Variants in KCNK10 observed in about 807,000 individuals in gnomAD.
The protein encoded by KCNK10 is potassium channel subfamily K member 10.
KCNK10 carries 25 observed loss-of-function variants against 47.7 expected under a neutral mutation model. The ratio of observed to expected loss-of-function variants is 0.52; its 90% CI spans 0.38 to 0.73. The LOEUF (loss-of-function observed/expected upper bound fraction) is 0.73, where lower values mean the gene tolerates loss of function less well. KCNK10 is among the 30% of genes least tolerant of loss of function. The probability of loss-of-function intolerance (pLI) is 0.00; values close to 1 mark genes in which losing one functional copy is unlikely to be tolerated. For missense variants in KCNK10, 563 were observed against 714.5 expected, an observed-to-expected ratio of 0.79 and a Z score of 2.42; for synonymous variants, 303 against 285.6, an observed-to-expected ratio of 1.06 and a Z score of -0.61.
chr14:88,276,363 C>T (rs1338540605), intron 1 of KCNK10, among the ~76,000 whole-genome samples: 1 of 151,876 alleles, frequency 6.6e-6, no homozygotes, highest in African/African-American at 2.4e-5. Flanking sequence ...ACTGAATCTG[C>T]CTTGATATCT....
intron 3 of KCNK10, among the ~76,000 whole-genome samples, chr14:88,239,574 CT>C (rs1886393725): frequency 6.6e-6 from 1 of 152,124 alleles, no homozygotes; most frequent in Non-Finnish European, 1.5e-5. Context: ...AAGTTAACCC[CT>C]AGGCCAGGTG....
intron 1 of KCNK10, among the ~76,000 whole-genome samples, chr14:88,284,783 C>T (rs1362923963): frequency 6.6e-6 from 1 of 152,178 alleles, no homozygotes; most frequent in Non-Finnish European, 1.5e-5. Flanking sequence ...CTACAACACC[C>T]TCACAGACAC....
chr14:88,198,613 C>T (rs1475758473), intron 4 of KCNK10, among the ~76,000 whole-genome samples: 1 of 152,142 alleles, frequency 6.6e-6, no homozygotes, highest in Non-Finnish European at 1.5e-5. Context: ...AGGCACAAGA[C>T]CATTCTAATA....
chr14:88,221,246 G>A (rs536325072), intron 4 of KCNK10, among the ~76,000 whole-genome samples: 76 of 151,498 alleles, frequency 5.0e-4, no homozygotes, highest in Non-Finnish European at 8.0e-4. Context: ...AGGTTGCAGT[G>A]AGCCAAGATC....
intron 4 of KCNK10, among the ~76,000 whole-genome samples, chr14:88,227,006 T>C (rs1010036421): frequency 5.3e-5 from 8 of 152,132 alleles, no homozygotes; most frequent in Non-Finnish European, 8.8e-5. Context: ...GTAAGGGAGT[T>C]CCAACAACAA....
rs116542896 is a variant in KCNK10 at position 88,196,342 on chromosome 14, T to A, written c.682-3932A>T. ...AGAGCTCTCTTTTGAGAGAGGGATGTATGGACTGACAATTCGGGAAGTGTT... is the reference window on the plus strand; with the variant it reads ...AGAGCTCTCTTTTGAGAGAGGGATGAATGGACTGACAATTCGGGAAGTGTT... On this transcript the variant is annotated intron_variant, in intron 4 of 6. Coordinates refer to ENST00000319231, the MANE Select transcript of KCNK10 (RefSeq NM_138317.3). Among the ~76,000 whole-genome samples the A allele has an allele frequency of 6.3e-3, 957 of 152,322 alleles. 8 individuals carry two copies. Among genetic ancestry groups the A allele is most frequent in the African/African-American group, 0.022 (918 of 41,570 alleles).
At chr14:88,324,326 G>T (rs1485558732), upstream of KCNK10, among the ~76,000 whole-genome samples, 1 of 152,186 alleles carries the variant, frequency 6.6e-6, no homozygotes, top group Non-Finnish European at 1.5e-5. Context: ...CTCTTGAACG[G>T]GTCACTCCGA....
In KCNK10 at chr14:88,185,724, G is replaced by A; in HGVS notation, c.1443C>T (p.Phe481=). ...PEDVQKIYKT[F]RNYSLDEEKK... ...TCTCCTCGTCCAGGGAGTAATTCCG[G>A]AAGGTCTTGTAGATTTTCTGAACGT... Residue 481 remains phenylalanine, a synonymous_variant, in exon 7 of 7, where the codon TTC becomes TTT. Coordinates refer to ENST00000319231, the MANE Select transcript of KCNK10 (RefSeq NM_138317.3). The surrounding 1 kb of genome is among the most constrained non-coding windows in gnomAD (Gnocchi z 4.3). The A allele has an allele frequency of 6.2e-7, 1 of 1,614,144 alleles. No homozygotes were observed. Among genetic ancestry groups the A allele is most frequent in the Non-Finnish European group, 8.5e-7 (1 of 1,180,034 alleles).
Position 88,291,129 on chromosome 14 carries a change from T to C in KCNK10, c.53-27578A>G, listed in dbSNP as rs1156453610. ...AAGCCAAACACTGCAGAACTGTAAA[T>C]AGTGGGAAACTCCTGGTCGTGGAAA... is the stretch of plus-strand genomic sequence containing the variant. On this transcript the variant is annotated intron_variant, in intron 1 of 6. Coordinates refer to ENST00000319231, the MANE Select transcript of KCNK10 (RefSeq NM_138317.3). Among the ~76,000 whole-genome samples, 3 of 152,218 alleles carry C rather than the reference T, an allele frequency of 2.0e-5. No individual in the cohort carries two copies. In the East Asian group the frequency reaches 5.8e-4, roughly 29 times the overall value.
intron 1 of KCNK10, among the ~76,000 whole-genome samples, chr14:88,314,253 G>C (rs1229464358): frequency 6.6e-6 from 1 of 151,990 alleles, no homozygotes; most frequent in Non-Finnish European, 1.5e-5. Context: ...ATTAGGATTA[G>C]TGCACTTATC....
chr14:88,208,521 A>G (rs1014061082), intron 4 of KCNK10, among the ~76,000 whole-genome samples: 17 of 152,226 alleles, frequency 1.1e-4, no homozygotes, highest in African/African-American at 4.1e-4. Flanking sequence ...GCATACAGCA[A>G]TGTCAGGAAA....
Position 88,185,409 on chromosome 14 carries a change from T to C in KCNK10, c.*126A>G, listed in dbSNP as rs1884508409. The stretch of plus-strand genomic sequence containing the variant: ...TTCAGTTGTTTATGGCACAGTGAAA[T>C]ATATTCTTCAATGCTATGTAATTTT... On this transcript the variant is annotated 3_prime_UTR_variant, in exon 7 of 7. Coordinates refer to ENST00000319231, the MANE Select transcript of KCNK10 (RefSeq NM_138317.3). The surrounding 1 kb of genome is among the most constrained non-coding windows in gnomAD (Gnocchi z 4.3). The C allele has an allele frequency of 7.6e-7, 1 of 1,319,894 alleles. No homozygotes were observed. The highest frequency in any genetic ancestry group is 1.5e-5 in the African/African-American group (1 of 68,026). 81.8% of individuals were successfully genotyped at this position (1,319,894 alleles called of 1,614,324 possible).
chr14:88,243,834 C>A (rs1403288043), intron 2 of KCNK10, among the ~76,000 whole-genome samples: 1 of 150,584 alleles, frequency 6.6e-6, no homozygotes, highest in African/African-American at 2.4e-5. Flanking sequence ...GCGGCAATGC[C>A]CAAGTCTTTG....
At chr14:88,200,331 C>T (rs1442633441) in intron 4 of KCNK10, among the ~76,000 whole-genome samples, 1 of 152,030 alleles carries the variant, frequency 6.6e-6, no homozygotes, top group Non-Finnish European at 1.5e-5. Context: ...GAAAATCTTT[C>T]AGAAGGATAA....
At chr14:88,293,693 T>C (rs1251154693) in intron 1 of KCNK10, among the ~76,000 whole-genome samples, 2 of 151,920 alleles carry the variant, frequency 1.3e-5, no homozygotes, top group Non-Finnish European at 2.9e-5. Context: ...TTCTTTTTTA[T>C]GGACAGAGTC....
intron 1 of KCNK10, among the ~76,000 whole-genome samples, chr14:88,306,509 C>G (rs1484145459): frequency 6.6e-6 from 1 of 152,132 alleles, no homozygotes; most frequent in Non-Finnish European, 1.5e-5. Flanking sequence ...TGTGCTCTGT[C>G]ATCATGATAG....
intron 1 of KCNK10, among the ~76,000 whole-genome samples, chr14:88,298,352 A>C (rs1229633623): frequency 6.6e-6 from 1 of 152,214 alleles, no homozygotes; most frequent in African/African-American, 2.4e-5. Flanking sequence ...AATTAACTAC[A>C]GTGTGGACTG....
chr14:88,252,278 G>A (rs1460042678), intron 2 of KCNK10, among the ~76,000 whole-genome samples: 2 of 152,088 alleles, frequency 1.3e-5, no homozygotes, highest in Non-Finnish European at 1.5e-5. Flanking sequence ...CAAAACCTGG[G>A]ACATTTGGTC....
chr14:88,310,229 G>GATATACCATATGATATGGTATATC (rs1566721523), intron 1 of KCNK10, among the ~76,000 whole-genome samples: 3 of 36,784 alleles, frequency 8.2e-5, no homozygotes, highest in African/African-American at 1.6e-4. Context: ...TATGGTATAT[G>GATATACCATATGATATGGTATATC]ATATACCATA....
Sources: gnomAD v4.1 joint callset for allele counts (sites outside exome capture counted in the v4.1 genomes callset) on GRCh38, gnomAD v4.1.1 for gene constraint, Gnocchi (gnomAD v3.1) non-coding constraint, MANE v1.5 for transcripts, NCBI Gene and HGNC (gene_info 2026-07-23, HGNC 2026-07-21) for gene names.